ADGRE3: variants seen among roughly 807,000 people sequenced by gnomAD.
The protein encoded by ADGRE3 is EGF-like module receptor 3.
In ADGRE3, 88 loss-of-function variants were observed where a neutral mutation model predicts 80.1. The observed-to-expected ratio is 1.10, with a 90% confidence interval of 0.93 to 1.31. ADGRE3 has a LOEUF of 1.31. ADGRE3 is among the 40% of genes most tolerant of loss of function. The probability of loss-of-function intolerance (pLI) is 0.00; values close to 1 mark genes in which losing one functional copy is unlikely to be tolerated. For missense variants in ADGRE3, 715 were observed against 776.5 expected (o/e 0.92, Z 0.94); for synonymous variants, 281 against 294.8 (o/e 0.95, Z 0.48).
At chr19:14,668,613 C>T (rs919242712) in intron 2 of ADGRE3, 189 bp downstream of exon 2, 38 of 541,346 alleles carry the variant, frequency 7.0e-5, no homozygotes, top group South Asian at 2.4e-4. Context: ...TCAAACAAAA[C>T]GATAAATAAA....
At chr19:14,642,948 T>G (rs965214333) in intron 9 of ADGRE3, among the ~76,000 whole-genome samples, 7 of 152,182 alleles carry the variant, frequency 4.6e-5, no homozygotes, top group African/African-American at 1.7e-4. Context: ...ATATACCCAG[T>G]AACAGGATTG....
chr19:14,654,599 G>A (rs1253704498), intron 6 of ADGRE3, among the ~76,000 whole-genome samples: 1 of 151,968 alleles, frequency 6.6e-6, no homozygotes, highest in African/African-American at 2.4e-5. Flanking sequence ...TCCAGACCTG[G>A]GATTGGAAAC....
At position 14,647,278 on chromosome 19, in the gene ADGRE3, T is replaced by C. The variant is rs753183638; in HGVS notation, c.785A>G (p.Gln262Arg). ...CACAACCTGAGAGTTCAGATACACT[T>C]GATCTTTCTTATCCATCTCTTCAAA... ...TFFEEMDKKDQVYLNSQVVSA... is the reference protein window; with the variant it reads ...TFFEEMDKKDRVYLNSQVVSA... Residue 262 changes from glutamine (Q) to arginine (R), a missense_variant, in exon 8 of 16, where the codon CAA (glutamine) becomes CGA (arginine). Coordinates refer to ENST00000253673, the MANE Select transcript of ADGRE3 (RefSeq NM_032571.5). 42 of 1,613,234 alleles carry C rather than the reference T, an allele frequency of 2.6e-5. No homozygotes were observed. The South Asian group carries it at 4.2e-4, about 16-fold the overall frequency.
At chr19:14,614,887 A>ATTT (rs34761800), downstream of ADGRE3, among the ~76,000 whole-genome samples, 5 of 141,676 alleles carry the variant, frequency 3.5e-5, no homozygotes, top group East Asian at 6.2e-4. Flanking sequence ...CCCGGCCCCC[A>ATTT]TTTTTTTTTT....
intron 14 of ADGRE3, among the ~76,000 whole-genome samples, chr19:14,629,314 G>A (rs1970816366): frequency 6.6e-6 from 1 of 151,726 alleles, no homozygotes; most frequent in African/African-American, 2.4e-5. Context: ...ATAGTAGTTG[G>A]AAAAAAAATA....
rs891209131 is a variant in ADGRE3 at position 14,644,824 on chromosome 19, C to G, written c.883-549G>C. Among the ~76,000 whole-genome samples, 7 of 152,190 alleles carry G rather than the reference C, an allele frequency of 4.6e-5. No individual in the cohort carries two copies. The South Asian group carries it at 1.0e-3, about 23-fold the overall frequency. ...CACTGCCACCTTGACCTCCCTGGCT[C>G]AAACGATCCTCCCATCTCAGCCTCC... is the stretch of plus-strand genomic sequence containing the variant. On this transcript the variant is annotated intron_variant, in intron 8 of 15. Coordinates refer to ENST00000253673, the MANE Select transcript of ADGRE3 (RefSeq NM_032571.5).
intron 8 of ADGRE3, among the ~76,000 whole-genome samples, chr19:14,645,352 G>T (rs1971368713): frequency 6.6e-6 from 1 of 152,166 alleles, no homozygotes; most frequent in African/African-American, 2.4e-5. Context: ...AAGTCATGAG[G>T]AGAGAGAATA....
At chr19:14,603,685 C>A in the ADGRE3 span, among the ~76,000 whole-genome samples, 2 of 151,914 alleles carry the variant, frequency 1.3e-5, no homozygotes, top group Non-Finnish European at 2.9e-5. Flanking sequence ...AGGCTGCTCT[C>A]TAGCTAATGA....
rs1253041560 is a variant in ADGRE3, at chr19:14,625,505, G to A, written c.1907C>T (p.Ser636Leu). ...YTLSSKMGPD[S>L]KPSEGDVFPG... ...TGTTTCACTTACCTCACTGGGTTTTGAGTCAGGACCCATCTTGCTGGAAAG... is the reference window on the plus strand; with the variant it reads ...TGTTTCACTTACCTCACTGGGTTTTAAGTCAGGACCCATCTTGCTGGAAAG... The change falls in exon 15 of 16, where the codon TCA becomes TTA. Residue 636 changes from serine (S) to leucine (L), a missense_variant. Physicochemically the swap from Ser to Leu is moderately radical, Grantham distance 145. Coordinates refer to ENST00000253673, the MANE Select transcript of ADGRE3 (RefSeq NM_032571.5). 6.2e-7 allele frequency: 1 copy of A among 1,609,078 alleles called. No homozygotes were observed. Among genetic ancestry groups the A allele is most frequent in the Non-Finnish European group, 8.5e-7 (1 of 1,175,420 alleles).
Position 14,620,548 on chromosome 19 carries a change from T to TATATATAATA in ADGRE3, c.1921-1078_1921-1077insTATTATATAT. On this transcript the variant is annotated intron_variant, in intron 15 of 15. Transcript: ENST00000253673. ...TGAATATATATATTTTATATATATA[T>TATATATAATA]TATATATATATATATATATATTTTT... Among the ~76,000 whole-genome samples, 32 of 24,956 alleles carry TATATATAATA rather than the reference T, an allele frequency of 1.3e-3. 2 individuals are homozygous for TATATATAATA. The highest frequency in any genetic ancestry group is 1.9e-3 in the Non-Finnish European group (31 of 16,052). 16.4% of individuals were successfully genotyped at this position (24,956 alleles called of 152,430 possible). A position where few individuals can be genotyped will look rare whatever the true frequency, so the allele number is the denominator to read the frequency against.
At chr19:14,615,896 A>AC (rs1421150035), downstream of ADGRE3, among the ~76,000 whole-genome samples, 2 of 151,658 alleles carry the variant, frequency 1.3e-5, no homozygotes, top group Non-Finnish European at 1.5e-5. Flanking sequence ...AGTATCTGAG[A>AC]CTACAGGTGT....
chr19:14,654,886 CAT>C (rs1246209518), intron 6 of ADGRE3, 94 bp downstream of exon 6: 12 of 894,062 alleles, frequency 1.3e-5, no homozygotes, highest in South Asian at 5.3e-5. Context: ...TAAAGGGACT[CAT>C]GTGGTGTATT....
chr19:14,604,922 A>T, the ADGRE3 span, among the ~76,000 whole-genome samples: 2 of 152,196 alleles, frequency 1.3e-5, no homozygotes, highest in Non-Finnish European at 2.9e-5. Context: ...GAATTCCAGG[A>T]TGTGGAAAGC....
intron 8 of ADGRE3, 91 bp downstream of exon 8, chr19:14,647,090 G>A (rs1599631082): frequency 1.0e-6 from 1 of 1,002,506 alleles, no homozygotes; most frequent in South Asian, 1.5e-5. Context: ...CCTGAACAGA[G>A]TGGGTCTAGA....
At chr19:14,671,713 T>C (rs1420225020) in intron 1 of ADGRE3, among the ~76,000 whole-genome samples, 1 of 152,182 alleles carries the variant, frequency 6.6e-6, no homozygotes, top group Non-Finnish European at 1.5e-5. Context: ...CACAGAACAT[T>C]TTGAATATTC....
chr19:14,655,201 T>C, intron 5 of ADGRE3, 36 bp from the exon 6 acceptor site: 1 of 1,573,684 alleles, frequency 6.4e-7, no homozygotes, highest in Non-Finnish European at 8.6e-7. Context: ...TTTTTAAAAA[T>C]GTAATCTGGT....
chr19:14,606,541 G>A, the ADGRE3 span, among the ~76,000 whole-genome samples: 18,746 of 151,894 alleles, frequency 0.12, 1,519 homozygotes, highest in African/African-American at 0.24. Context: ...TTAGCCGGGC[G>A]TGGTGGCGGG....
chr19:14,607,150 T>C, the ADGRE3 span: 1 of 742,646 alleles, frequency 1.3e-6, no homozygotes, highest in Non-Finnish European at 1.9e-6. Context: ...CTGTGGGCCC[T>C]GACCATGGGG....
At chr19:14,605,585 C>G in the ADGRE3 span, among the ~76,000 whole-genome samples, 1 of 152,088 alleles carries the variant, frequency 6.6e-6, no homozygotes, top group South Asian at 2.1e-4. Context: ...TTTTCATATC[C>G]TTTTTCTAGT....
Sources: gnomAD v4.1 joint callset for allele counts (sites outside exome capture counted in the v4.1 genomes callset) on GRCh38, gnomAD v4.1.1 for gene constraint, MANE v1.5 for transcripts, NCBI Gene and HGNC (gene_info 2026-07-23, HGNC 2026-07-21) for gene names.